The following IL34 variants were observed in gnomAD, a reference collection of about 807,000 sequenced individuals.
IL34 encodes the protein interleukin 34.
In IL34, 17 loss-of-function variants were observed where a neutral mutation model predicts 25.3. That is an observed-to-expected ratio of 0.67 (90% CI 0.46 to 1.01). IL34 has a LOEUF of 1.01. Ranked by LOEUF, IL34 falls within the 50% of genes least tolerant of loss-of-function variation. IL34 has a pLI of 0.00. For missense variants in IL34, 368 were observed against 312.9 expected (o/e 1.18, Z -1.33); for synonymous variants, 174 against 140.9 (o/e 1.23, Z -1.66).
chr16:70,658,788 C>T (rs537789028), intron 4 of IL34, among the ~76,000 whole-genome samples: 27 of 152,290 alleles, frequency 1.8e-4, no homozygotes, highest in African/African-American at 6.5e-4. Flanking sequence ...CTTTTCATGG[C>T]CTTCTGCCCT....
chr16:70,652,080 A>G (rs2052094723), intron 1 of IL34, among the ~76,000 whole-genome samples: 1 of 151,776 alleles, frequency 6.6e-6, no homozygotes, highest in South Asian at 2.1e-4. Context: ...GTGAGCCAAG[A>G]TTGCGCCACG....
At chr16:70,623,699 C>T (rs2051327393) in intron 1 of IL34, among the ~76,000 whole-genome samples, 1 of 151,606 alleles carries the variant, frequency 6.6e-6, no homozygotes, top group African/African-American at 2.4e-5. Flanking sequence ...AGAAGGGTGG[C>T]AATGAGATGT....
At chr16:70,594,533 G>A (rs945785956) in intron 1 of IL34, among the ~76,000 whole-genome samples, 4 of 152,132 alleles carry the variant, frequency 2.6e-5, no homozygotes, top group Admixed American at 1.3e-4. Flanking sequence ...ACTGATGCCT[G>A]GTTCTTATGG....
intron 1 of IL34, among the ~76,000 whole-genome samples, chr16:70,605,370 C>T (rs955793126): frequency 4.6e-5 from 7 of 152,182 alleles, no homozygotes; most frequent in African/African-American, 1.2e-4. Context: ...ATACATGAAA[C>T]ATGAAACTTA....
At chr16:70,644,556 A>G (rs948880907), upstream of IL34, among the ~76,000 whole-genome samples, 2 of 152,168 alleles carry the variant, frequency 1.3e-5, no homozygotes, top group African/African-American at 4.8e-5. Flanking sequence ...TTAGAAATGT[A>G]TACTGAAAAG....
chr16:70,656,014 T>TA (rs2052209729), intron 2 of IL34, among the ~76,000 whole-genome samples: 1 of 152,254 alleles, frequency 6.6e-6, no homozygotes, highest in Admixed American at 6.5e-5. Context: ...TCATAGGTTT[T>TA]AGAACATTCT....
chr16:70,645,193 G>A (rs1394625352), upstream of IL34, among the ~76,000 whole-genome samples: 4 of 152,000 alleles, frequency 2.6e-5, no homozygotes, highest in Non-Finnish European at 5.9e-5. Flanking sequence ...AAGGAGGAAG[G>A]ACAAGGAAAA....
chr16:70,605,997 A>G lies in IL34; in HGVS notation c.-401+25948A>G, dbSNP rs2050998544. ...TTTTTTTTTTTTTTTTTTTTTAACAATGCTGAATAAAAGGAGTGATGGCAG... is the reference window on the plus strand; with the variant it reads ...TTTTTTTTTTTTTTTTTTTTTAACAGTGCTGAATAAAAGGAGTGATGGCAG... On this transcript the variant is annotated intron_variant, in intron 1 of 6. Transcript: ENST00000429149. Among the ~76,000 whole-genome samples, 3 of 142,172 alleles carry G rather than the reference A, an allele frequency of 2.1e-5. No homozygotes were observed. In the South Asian group the frequency reaches 6.7e-4, roughly 32 times the overall value. The allele number at this position is 142,172 out of a possible 152,430, so 93.3% of individuals were successfully genotyped here.
intron 1 of IL34, among the ~76,000 whole-genome samples, chr16:70,582,020 A>G (rs11645092): frequency 0.36 from 54,522 of 152,112 alleles, 10,456 homozygotes; most frequent in South Asian, 0.63. Context: ...CTGGTGCTTA[A>G]CAAGCACCCC....
At chr16:70,632,603 A>C (rs13329733) in intron 1 of IL34, among the ~76,000 whole-genome samples, 46,660 of 151,960 alleles carry the variant, frequency 0.31, 7,380 homozygotes, top group South Asian at 0.47. Context: ...GTGGCTTTCC[A>C]ATGGAGCATC....
intron 1 of IL34, among the ~76,000 whole-genome samples, chr16:70,593,054 T>A (rs1299278910): frequency 1.3e-5 from 2 of 152,188 alleles, no homozygotes; most frequent in Non-Finnish European, 2.9e-5. Context: ...CTCGAACTGC[T>A]GGCCTCAGGC....
rs553736734 is a variant in IL34, at chr16:70,618,570, C to T, written c.-400-27978C>T. On this transcript the variant is annotated intron_variant, in intron 1 of 6. Coordinates refer to the IL34 transcript ENST00000429149. ...TATTAATGCAGCGGCAGCCGCTGCA[C>T]GCAGACATGAGGGCTAGGCTAAAAC... is the stretch of plus-strand genomic sequence containing the variant. Among the ~76,000 whole-genome samples, 620 of 152,246 alleles carry T rather than the reference C, an allele frequency of 4.1e-3. 5 individuals are homozygous for T. Among genetic ancestry groups the T allele is most frequent in the Middle Eastern group, 0.02 (6 of 294 alleles).
In IL34 at chr16:70,648,467, C is replaced by T. The variant is rs2051995852; in HGVS notation, c.28+1492C>T. ...ACTCAGGAGGCTGAGGTGGGAGGAT[C>T]ACTTGAGCCCAGGAGGTTGAGGCTG... On this transcript the variant is annotated intron_variant, in intron 1 of 5. Transcript: ENST00000288098. Among the ~76,000 whole-genome samples, 3 of 144,582 alleles carry T rather than the reference C, an allele frequency of 2.1e-5. No homozygotes were observed. The Admixed American group carries it at 2.1e-4, about 10-fold the overall frequency. 94.9% of individuals were successfully genotyped at this position (144,582 alleles called of 152,430 possible).
chr16:70,648,888 T>C (rs1339530043), intron 1 of IL34, among the ~76,000 whole-genome samples: 4 of 152,180 alleles, frequency 2.6e-5, no homozygotes, highest in Non-Finnish European at 4.4e-5. Flanking sequence ...CCTTGCCTCT[T>C]CCAGCTCCTG....
At chr16:70,608,988 G>A (rs2051051522) in intron 1 of IL34, among the ~76,000 whole-genome samples, 1 of 152,164 alleles carries the variant, frequency 6.6e-6, no homozygotes, top group Non-Finnish European at 1.5e-5. Context: ...TGTGATATGA[G>A]CTGATGGTGA....
chr16:70,659,954 G>C (rs1368703185), intron 5 of IL34, 43 bp from the exon 6 acceptor site: 5 of 1,532,030 alleles, frequency 3.3e-6, no homozygotes, highest in Middle Eastern at 1.8e-4. Context: ...GGGTGGTCTT[G>C]AACACTGCTG....
Position 70,599,931 on chromosome 16 carries a change from C to T in IL34, c.-401+19882C>T, listed in dbSNP as rs117377465. On this transcript the variant is annotated intron_variant, in intron 1 of 6. Coordinates refer to the IL34 transcript ENST00000429149. ...CTGGGCTCAAGTGATGCTCCCACCTCGGCTTCTCAAAGTGCTGGGATTACA... is the reference window on the plus strand; with the variant it reads ...CTGGGCTCAAGTGATGCTCCCACCTTGGCTTCTCAAAGTGCTGGGATTACA... Among the ~76,000 whole-genome samples the T allele has an allele frequency of 3.7e-4, 57 of 152,082 alleles. No homozygotes were observed. In the East Asian group the frequency reaches 9.3e-3, roughly 25 times the overall value.
intron 1 of IL34, among the ~76,000 whole-genome samples, chr16:70,606,906 G>A (rs145441006): frequency 5.5e-4 from 83 of 152,194 alleles, no homozygotes; most frequent in Non-Finnish European, 1.0e-3. Context: ...TTATTGCTGA[G>A]TAGTATTCTG....
upstream of IL34, among the ~76,000 whole-genome samples, chr16:70,645,072 AG>A (rs1458490954): frequency 7.1e-6 from 1 of 140,982 alleles, no homozygotes; most frequent in Non-Finnish European, 1.5e-5. Context: ...GGAAGGAGAA[AG>A]GAAGAGGGAA....
Sources: gnomAD v4.1 joint callset for allele counts (sites outside exome capture counted in the v4.1 genomes callset) on GRCh38, gnomAD v4.1.1 for gene constraint, MANE v1.5 for transcripts, NCBI Gene and HGNC (gene_info 2026-07-23, HGNC 2026-07-21) for gene names.